Variants in ROBO1 observed in about 807,000 individuals in gnomAD.
ROBO1 encodes roundabout homolog 1.
In ROBO1, 149 loss-of-function variants were observed where a neutral mutation model predicts 195.9. That is an observed-to-expected ratio of 0.76 (90% confidence interval 0.67 to 0.87). The LOEUF (loss-of-function observed/expected upper bound fraction) is 0.87. ROBO1 is among the 40% of genes least tolerant of loss of function. The probability of loss-of-function intolerance (pLI) is 0.00; values close to 1 mark genes in which losing one functional copy is unlikely to be tolerated. For missense variants in ROBO1, 1,933 were observed against 2,068.3 expected, an observed-to-expected ratio of 0.93 and a Z score of 1.27; for synonymous variants, 816 against 733.2, an observed-to-expected ratio of 1.11 and a Z score of -1.82.
chr3:78,787,721 T>A (rs1478593614), intron 4 of ROBO1, among the ~76,000 whole-genome samples: 4 of 151,904 alleles, frequency 2.6e-5, no homozygotes, highest in Non-Finnish European at 5.9e-5. Flanking sequence ...GGCAGGGGGA[T>A]CACTTGAAGC....
chr3:78,748,952 A>G (rs1396671347), intron 4 of ROBO1, among the ~76,000 whole-genome samples: 3 of 152,178 alleles, frequency 2.0e-5, no homozygotes, highest in African/African-American at 7.2e-5. Flanking sequence ...CACAAAGGTA[A>G]ACCTTGTTAA....
At chr3:78,941,819 T>C (rs1274351129) in intron 3 of ROBO1, among the ~76,000 whole-genome samples, 3 of 152,162 alleles carry the variant, frequency 2.0e-5, no homozygotes, top group Non-Finnish European at 4.4e-5. Flanking sequence ...AAATAACTTC[T>C]TGGGCTTTGT....
At chr3:79,199,088 G>A (rs2081707135) in intron 2 of ROBO1, among the ~76,000 whole-genome samples, 1 of 151,810 alleles carries the variant, frequency 6.6e-6, no homozygotes, top group African/African-American at 2.4e-5. Context: ...GGTGAGAGAG[G>A]GCATCCTTGT....
chr3:78,976,738 T>A (rs1220352784), intron 3 of ROBO1, among the ~76,000 whole-genome samples: 1 of 152,204 alleles, frequency 6.6e-6, no homozygotes, highest in Non-Finnish European at 1.5e-5. Flanking sequence ...TTTCTTCACT[T>A]AATATAACCA....
intron 3 of ROBO1, among the ~76,000 whole-genome samples, chr3:79,022,167 C>T (rs931410636): frequency 5.9e-5 from 9 of 152,144 alleles, no homozygotes; most frequent in Admixed American, 2.0e-4. Context: ...GAAGGCATTA[C>T]GGATCTATAA....
chr3:79,508,146 C>T (rs1940507261), intron 2 of ROBO1, among the ~76,000 whole-genome samples: 1 of 152,022 alleles, frequency 6.6e-6, no homozygotes, highest in Non-Finnish European at 1.5e-5. Context: ...GGACAAATAC[C>T]TAATGTAAAT....
At chr3:79,320,189 A>T (rs564560433) in intron 2 of ROBO1, among the ~76,000 whole-genome samples, 38 of 152,290 alleles carry the variant, frequency 2.5e-4, no homozygotes, top group African/African-American at 8.7e-4. Context: ...GCCTCTTCTG[A>T]GTTGAAGACT....
rs963074091 is a variant in ROBO1, at chr3:79,335,113, T to TAAAAACA, written c.89-209581_89-209575dup. Reference sequence around the variant, plus strand: ...GTCTGGGTGACAGAGCAAGGCTCCATAAAAACAAAAAACAAAAAACGCAAA... The same window carrying TAAAAACA: ...GTCTGGGTGACAGAGCAAGGCTCCATAAAAACAAAAAACAAAAAACAAAAAACGCAAA... On this transcript the variant is annotated intron_variant, in intron 2 of 30. Coordinates refer to ENST00000464233, the MANE Select transcript of ROBO1 (RefSeq NM_002941.4). Among the ~76,000 whole-genome samples, 3 of 152,104 alleles carry TAAAAACA rather than the reference T, an allele frequency of 2.0e-5. No homozygotes were observed. The East Asian group carries it at 5.8e-4, about 29-fold the overall frequency.
intron 3 of ROBO1, among the ~76,000 whole-genome samples, chr3:78,973,996 G>A (rs762418593): frequency 2.6e-5 from 4 of 151,948 alleles, no homozygotes; most frequent in African/African-American, 4.8e-5. Flanking sequence ...GAGTAGATGA[G>A]CTACCAAAAT....
At chr3:79,320,339 G>A (rs931874908) in intron 2 of ROBO1, among the ~76,000 whole-genome samples, 5 of 152,050 alleles carry the variant, frequency 3.3e-5, no homozygotes, top group African/African-American at 2.4e-5. Flanking sequence ...TGATCTTTTC[G>A]TTTGTTTGTT....
At chr3:79,676,089 C>A (rs933317539) in intron 1 of ROBO1, among the ~76,000 whole-genome samples, 1 of 151,802 alleles carries the variant, frequency 6.6e-6, no homozygotes, top group South Asian at 2.1e-4. Flanking sequence ...TTTTACGGAG[C>A]CTTAGCCACG....
At chr3:78,676,339 G>A (rs1244461005) in intron 10 of ROBO1, among the ~76,000 whole-genome samples, 1 of 152,182 alleles carries the variant, frequency 6.6e-6, no homozygotes, top group Non-Finnish European at 1.5e-5. Flanking sequence ...TGACTTTGAC[G>A]AGTTGAGAGA....
chr3:79,722,101 C>T (rs999338136), intron 1 of ROBO1, among the ~76,000 whole-genome samples: 20 of 152,010 alleles, frequency 1.3e-4, no homozygotes, highest in Non-Finnish European at 1.8e-4. Flanking sequence ...GGAAAAGGTA[C>T]TACAGGAAAC....
In ROBO1 at chr3:79,725,522, G is replaced by A. The variant is rs368127446; in HGVS notation, c.-51+42230C>T. On this transcript the variant is annotated intron_variant, in intron 1 of 30. Coordinates refer to ENST00000464233, the MANE Select transcript of ROBO1 (RefSeq NM_002941.4). ...ATTACAGGCGTGAGCCACCGCGCCC[G>A]GCCCTCTCTTCTTACTTATATCTGC... 5.9e-5 allele frequency among the ~76,000 whole-genome samples: 9 copies of A among 152,038 alleles called. No individual in the cohort carries two copies. In the East Asian group the frequency reaches 9.7e-4, roughly 16 times the overall value.
chr3:78,674,792 ATTTGAGACTACT>A (rs1295539693), intron 10 of ROBO1, among the ~76,000 whole-genome samples: 4 of 152,308 alleles, frequency 2.6e-5, no homozygotes, highest in African/African-American at 9.6e-5. Context: ...AATTGGAGAT[ATTTGAGACTACT>A]TTAGCATAGG....
intron 3 of ROBO1, among the ~76,000 whole-genome samples, chr3:79,049,503 A>G (rs1023950742): frequency 2.0e-5 from 3 of 152,152 alleles, no homozygotes; most frequent in African/African-American, 7.2e-5. Flanking sequence ...GACTTCCCCA[A>G]CCTAGCAAGG....
At chr3:78,711,774 C>A (rs540114747) in intron 8 of ROBO1, among the ~76,000 whole-genome samples, 2 of 151,158 alleles carry the variant, frequency 1.3e-5, no homozygotes, top group Admixed American at 1.3e-4. Context: ...CAGGCATGAG[C>A]CACCACGCCC....
At chr3:79,231,622 A>C (rs1314094663) in intron 2 of ROBO1, among the ~76,000 whole-genome samples, 2 of 152,196 alleles carry the variant, frequency 1.3e-5, no homozygotes, top group Non-Finnish European at 2.9e-5. Flanking sequence ...TGGGAATGTA[A>C]ATTAGTTCAA....
intron 2 of ROBO1, among the ~76,000 whole-genome samples, chr3:79,557,737 A>ATAT (rs1160992493): frequency 3.6e-5 from 5 of 139,938 alleles, no homozygotes; most frequent in African/African-American, 8.1e-5. Context: ...TCTTAAAACA[A>ATAT]AAAAAAATAT....
Sources: gnomAD v4.1 joint callset for allele counts (sites outside exome capture counted in the v4.1 genomes callset) on GRCh38, gnomAD v4.1.1 for gene constraint, MANE v1.5 for transcripts, NCBI Gene and HGNC (gene_info 2026-07-23, HGNC 2026-07-21) for gene names.